The following GET1 variants were observed in gnomAD, a reference collection of about 807,000 sequenced individuals.
GET1 encodes guided entry of tail-anchored proteins factor 1, also known as congenital heart disease 5 protein.
In GET1, 20 loss-of-function variants were observed where a neutral mutation model predicts 22.6. That is an observed-to-expected ratio of 0.89 (90% confidence interval 0.62 to 1.29). The LOEUF (loss-of-function observed/expected upper bound fraction) is 1.29. Among genes scored for constraint, GET1 ranks in the 50% most tolerant of loss-of-function variants. GET1 has a pLI of 0.00. For missense variants in GET1, 209 were observed against 219.9 expected, an observed-to-expected ratio of 0.95 and a Z score of 0.31; for synonymous variants, 92 against 83.8, an observed-to-expected ratio of 1.10 and a Z score of -0.53.
intron 1 of GET1, among the ~76,000 whole-genome samples, chr21:39,384,564 ATTTT>A (rs35895251): frequency 6.9e-6 from 1 of 144,488 alleles, no homozygotes; most frequent in Admixed American, 6.9e-5. Flanking sequence ...CTGGCCGACA[ATTTT>A]TTTTTTTTTT....
At chr21:39,418,056 G>A (rs769874714) in intron 1 of GET1, among the ~76,000 whole-genome samples, 18 of 151,916 alleles carry the variant, frequency 1.2e-4, no homozygotes, top group Non-Finnish European at 2.2e-4. Context: ...GTGAGCCACC[G>A]CGCCCAGCGG....
chr21:39,394,537 T>C (rs1265703253), intron 4 of GET1, among the ~76,000 whole-genome samples: 1 of 152,202 alleles, frequency 6.6e-6, no homozygotes, highest in Non-Finnish European at 1.5e-5. Context: ...GGGTAGCTCA[T>C]AAACAACAGA....
downstream of GET1, among the ~76,000 whole-genome samples, chr21:39,402,543 T>C (rs186814055): frequency 3.5e-3 from 531 of 152,348 alleles, 5 homozygotes; most frequent in African/African-American, 0.012. Context: ...CTCAGACATA[T>C]TCGGCAAATG....
chr21:39,422,840 ATAAT>A, intron 1 of GET1: 1 of 810,574 alleles, frequency 1.2e-6, no homozygotes, highest in Non-Finnish European at 2.0e-6. Flanking sequence ...ATTAGACAAC[ATAAT>A]TATTTAGTGC....
At chr21:39,406,553 G>A (rs368479261) in exon 5 of GET1, 60 of 1,609,896 alleles carry the variant, frequency 3.7e-5, no homozygotes, top group Non-Finnish European at 5.0e-5. Context: ...TTGTCTTTTT[G>A]TCTTCCAGTA....
rs148669681 is a variant in GET1 at position 39,387,137 on chromosome 21, G to A, written c.103-3561G>A. Reference sequence around the variant, plus strand: ...AGTCTCCGAAAGTGCTGGGATTACTGCACTGCGCCTGGCTCAGACAGTTTT... The same window carrying A: ...AGTCTCCGAAAGTGCTGGGATTACTACACTGCGCCTGGCTCAGACAGTTTT... On this transcript the variant is annotated intron_variant, in intron 1 of 4. Transcript: ENST00000649170. 1.7e-3 allele frequency among the ~76,000 whole-genome samples: 265 copies of A among 152,288 alleles called. 2 individuals carry two copies. The highest frequency in any genetic ancestry group is 5.8e-3 in the African/African-American group (240 of 41,560).
chr21:39,403,864 G>A (rs1377128542), intron 4 of GET1, among the ~76,000 whole-genome samples: 6 of 151,934 alleles, frequency 3.9e-5, no homozygotes, highest in African/African-American at 2.4e-5. Context: ...TCAGGTGATC[G>A]CCCGCCTCAG....
Position 39,390,834 on chromosome 21 carries a change from A to G in GET1, c.239A>G (p.Asn80Ser), listed in dbSNP as rs1185146404. Residue 80 changes from asparagine (N) to serine (S), a missense_variant, in exon 2 of 5, where the codon AAC (asparagine) becomes AGC (serine). Transcript: ENST00000649170. ...ARYARLERKINKMTDKLKTHV... is the reference protein window; with the variant it reads ...ARYARLERKISKMTDKLKTHV... Reference sequence around the variant, plus strand: ...TATGCCAGGCTGGAAAGAAAGATCAACAAGATGACGGATAAGCTCAAAACC... The same window carrying G: ...TATGCCAGGCTGGAAAGAAAGATCAGCAAGATGACGGATAAGCTCAAAACC... 1.9e-6 allele frequency: 3 copies of G among 1,614,226 alleles called. No individual in the cohort carries two copies. Among genetic ancestry groups the G allele is most frequent in the Non-Finnish European group, 2.5e-6 (3 of 1,180,044 alleles).
At chr21:39,408,749 G>T (rs1370595702), downstream of GET1, 1 of 152,374 alleles carries the variant, frequency 6.6e-6, no homozygotes, top group African/African-American at 2.4e-5. Flanking sequence ...TCTTGGGCCT[G>T]CCCAGAAGAG....
intron 4 of GET1, 58 bp downstream of exon 4, chr21:39,393,338 G>A: frequency 7.2e-7 from 1 of 1,387,470 alleles, no homozygotes; most frequent in South Asian, 1.2e-5. Context: ...GTAGAGGTGT[G>A]TGGTAGAAGA....
chr21:39,420,437 C>A (rs2042087600), intron 1 of GET1, among the ~76,000 whole-genome samples: 2 of 143,798 alleles, frequency 1.4e-5, no homozygotes, highest in South Asian at 4.5e-4. Context: ...ATAAGAGAAT[C>A]ACTTGAACCT....
At chr21:39,406,160 C>A in exon 5 of GET1, 1 of 1,614,200 alleles carries the variant, frequency 6.2e-7, no homozygotes, top group African/African-American at 1.3e-5. Context: ...GAAGACTTAC[C>A]AAATGAGGGC....
At chr21:39,428,042 TCACCTATAATA>T (rs1272511212) in intron 1 of GET1, 5 of 616,566 alleles carry the variant, frequency 8.1e-6, no homozygotes, top group Non-Finnish European at 1.5e-5. Flanking sequence ...CTATAAAAGT[TCACCTATAATA>T]CACATTTACA....
At chr21:39,418,566 T>C (rs897968112) in intron 1 of GET1, among the ~76,000 whole-genome samples, 12 of 152,120 alleles carry the variant, frequency 7.9e-5, no homozygotes, top group African/African-American at 1.9e-4. Flanking sequence ...AGTGGCACAA[T>C]CTTGGCTCAC....
At chr21:39,383,058 C>T (rs561293472) in intron 1 of GET1, among the ~76,000 whole-genome samples, 1 of 151,534 alleles carries the variant, frequency 6.6e-6, no homozygotes, top group Non-Finnish European at 1.5e-5. Context: ...TCACACCATT[C>T]TCCTGCCTCA....
In GET1 at chr21:39,390,862, T is replaced by C. The variant is rs2146966740; in HGVS notation, c.267T>C (p.His89=). 2 of 1,614,080 alleles carry C rather than the reference T, an allele frequency of 1.2e-6. No individual in the cohort carries two copies. The highest frequency in any genetic ancestry group is 1.7e-6 in the Non-Finnish European group (2 of 1,179,990). Residue 89 remains histidine (H), a splice_region_variant and synonymous_variant, in exon 2 of 5, where the codon CAT becomes CAC. Coordinates refer to ENST00000649170, the MANE Select transcript of GET1 (RefSeq NM_004627.6). ...INKMTDKLKT[H]VKARTAQLAK... ...AGATGACGGATAAGCTCAAAACCCA[T>C]GGTACTGTGTCCCTTGCAGCCTGGA...
downstream of GET1, chr21:39,410,853 C>G (rs1371731130): frequency 2.1e-6 from 1 of 470,966 alleles, no homozygotes; most frequent in East Asian, 6.9e-5. Flanking sequence ...GATTATAAGC[C>G]AGAAGCAAAC....
chr21:39,408,792 C>G (rs2039557370), downstream of GET1: 1 of 152,238 alleles, frequency 6.6e-6, no homozygotes, highest in African/African-American at 2.4e-5. Context: ...GAGGGTTTTT[C>G]TATCTCCCAG....
chr21:39,396,278 T>C lies in GET1; in HGVS notation c.452-588T>C, dbSNP rs947903731. 2.6e-5 allele frequency among the ~76,000 whole-genome samples: 4 copies of C among 151,822 alleles called. No homozygotes were observed. In the South Asian group the frequency reaches 6.2e-4, roughly 24 times the overall value. On this transcript the variant is annotated intron_variant, in intron 4 of 4. Coordinates refer to ENST00000649170, the MANE Select transcript of GET1 (RefSeq NM_004627.6). ...GGTGTCGGCCGGGTGCGGTGGCTCA[T>C]GCCTGTAATCCCAGCACTTTGGGAG...
Sources: allele counts gnomAD v4.1 joint callset (sites outside exome capture counted in the v4.1 genomes callset), GRCh38; gene constraint gnomAD v4.1.1; transcripts MANE v1.5; gene names NCBI Gene and HGNC (gene_info 2026-07-23, HGNC 2026-07-21).